The following DLGAP2 variants were observed in gnomAD, a reference collection of about 807,000 sequenced individuals.
DLGAP2 encodes disks large-associated protein 2.
DLGAP2 carries 26 observed loss-of-function variants against 100.3 expected under a neutral mutation model. That is an observed-to-expected ratio of 0.26 (90% confidence interval 0.19 to 0.36). The LOEUF (loss-of-function observed/expected upper bound fraction) is 0.36, where lower values mean the gene tolerates loss of function less well. Ranked by LOEUF, DLGAP2 falls within the 10% of genes least tolerant of loss-of-function variation. DLGAP2 has a pLI of 1.00. For synonymous variants in DLGAP2, 886 were observed against 630.1 expected, an observed-to-expected ratio of 1.41 and a Z score of -6.08; for missense variants, 1,858 against 1,453.2, an observed-to-expected ratio of 1.28 and a Z score of -4.53.
At chr8:803,799 A>G (rs1392868943) in intron 1 of DLGAP2, among the ~76,000 whole-genome samples, 2 of 152,238 alleles carry the variant, frequency 1.3e-5, no homozygotes, top group African/African-American at 2.4e-5. Flanking sequence ...TGCTAAAATC[A>G]TGAGCATAAT....
chr8:1,051,722 C>T (rs1011471367), intron 2 of DLGAP2, among the ~76,000 whole-genome samples: 1 of 152,008 alleles, frequency 6.6e-6, no homozygotes, highest in African/African-American at 2.4e-5. Flanking sequence ...ATGCAGATCC[C>T]GCCACGCTCA....
intron 1 of DLGAP2, among the ~76,000 whole-genome samples, chr8:748,252 G>T (rs1325743321): frequency 2.0e-5 from 3 of 150,966 alleles, no homozygotes; most frequent in African/African-American, 4.9e-5. Context: ...GTCTGCGGTG[G>T]GATGGGGCCG....
chr8:794,337 A>T (rs1416407133), intron 1 of DLGAP2, among the ~76,000 whole-genome samples: 1 of 152,162 alleles, frequency 6.6e-6, no homozygotes, highest in Non-Finnish European at 1.5e-5. Context: ...ACACACACAG[A>T]AATATAGAGG....
intron 3 of DLGAP2, among the ~76,000 whole-genome samples, chr8:1,314,741 G>C (rs994850540): frequency 6.6e-6 from 1 of 152,176 alleles, no homozygotes; most frequent in Non-Finnish European, 1.5e-5. Context: ...GGACTTTCGG[G>C]GGTCTCCCTA....
At chr8:974,565 G>T (rs555968572) in intron 2 of DLGAP2, among the ~76,000 whole-genome samples, 4 of 152,266 alleles carry the variant, frequency 2.6e-5, no homozygotes, top group South Asian at 4.1e-4. Context: ...GACCATAGTG[G>T]AATTAAACTA....
chr8:791,765 A>T (rs56293609), intron 1 of DLGAP2, among the ~76,000 whole-genome samples: 31,811 of 152,164 alleles, frequency 0.21, 4,284 homozygotes, highest in Non-Finnish European at 0.3. Context: ...CACAGCAGAG[A>T]GAACCCGTTA....
At position 1,050,891 on chromosome 8, in the gene DLGAP2, A is replaced by G. The variant is rs547640752; in HGVS notation, c.73+142925A>G. Among the ~76,000 whole-genome samples, 65 of 150,366 alleles carry G rather than the reference A, an allele frequency of 4.3e-4. 2 individuals are homozygous for G. The South Asian group carries it at 0.013, about 31-fold the overall frequency. ...AGTGTGTGATGAGCTTGTGTGACCT[A>G]TGGGCCTTAGATCGAGAGAGGCTGT... On this transcript the variant is annotated intron_variant, in intron 2 of 14. Transcript: ENST00000637795.
intron 3 of DLGAP2, among the ~76,000 whole-genome samples, chr8:1,417,315 C>G: frequency 6.6e-6 from 1 of 151,792 alleles, no homozygotes; most frequent in East Asian, 1.9e-4. Flanking sequence ...TGCGGGGTGC[C>G]CAGGTTCGAC....
At chr8:946,996 C>T (rs553644557) in intron 2 of DLGAP2, among the ~76,000 whole-genome samples, 7 of 152,316 alleles carry the variant, frequency 4.6e-5, no homozygotes, top group African/African-American at 1.7e-4. Flanking sequence ...ACCTGCTGGA[C>T]ACCGGTGGCT....
At chr8:858,433 G>T (rs1450481940) in intron 1 of DLGAP2, among the ~76,000 whole-genome samples, 2 of 152,286 alleles carry the variant, frequency 1.3e-5, no homozygotes, top group African/African-American at 4.8e-5. Context: ...GGGAGGGAGG[G>T]GTGAATGGGC....
At chr8:879,139 A>G (rs988749964) in intron 1 of DLGAP2, among the ~76,000 whole-genome samples, 23 of 152,204 alleles carry the variant, frequency 1.5e-4, no homozygotes, top group Non-Finnish European at 7.3e-5. Flanking sequence ...CTTACCTAGG[A>G]TCACAAAGGG....
rs972498184 is a variant in DLGAP2 at position 1,360,333 on chromosome 8, G to A, written c.106+101450G>A. On this transcript the variant is annotated intron_variant, in intron 3 of 14. Coordinates refer to ENST00000637795, the MANE Select transcript of DLGAP2 (RefSeq NM_001346810.2). ...CTCCGGGGCGGGGCTTCTCCAGGAC[G>A]GTGCTTTCAACAAATCACCAGCCCA... Among the ~76,000 whole-genome samples, 5 of 150,986 alleles carry A rather than the reference G, an allele frequency of 3.3e-5. No homozygotes were observed. The East Asian group carries it at 7.9e-4, about 24-fold the overall frequency.
At chr8:1,008,033 A>G (rs1261486091) in intron 2 of DLGAP2, among the ~76,000 whole-genome samples, 1 of 152,148 alleles carries the variant, frequency 6.6e-6, no homozygotes, top group African/African-American at 2.4e-5. Context: ...CCTTCAAGTT[A>G]TTAGTTGAAA....
At chr8:1,256,762 G>T (rs753083366) in intron 2 of DLGAP2, among the ~76,000 whole-genome samples, 52 of 152,154 alleles carry the variant, frequency 3.4e-4, no homozygotes, top group Admixed American at 1.0e-3. Context: ...TGAAGGGGTG[G>T]TGCCTGCGTT....
At chr8:976,825 A>G (rs550898024) in intron 2 of DLGAP2, among the ~76,000 whole-genome samples, 1 of 152,212 alleles carries the variant, frequency 6.6e-6, no homozygotes, top group Non-Finnish European at 1.5e-5. Flanking sequence ...AAAATGCAAA[A>G]CTGTAAAACT....
At chr8:1,184,225 G>C (rs1167757867) in intron 2 of DLGAP2, among the ~76,000 whole-genome samples, 1 of 152,210 alleles carries the variant, frequency 6.6e-6, no homozygotes, top group Non-Finnish European at 1.5e-5. Context: ...TAAAATTTAA[G>C]TTGCACTAAA....
chr8:1,432,993 C>T (rs1797497002), intron 3 of DLGAP2, among the ~76,000 whole-genome samples: 1 of 152,144 alleles, frequency 6.6e-6, no homozygotes, highest in Non-Finnish European at 1.5e-5. Flanking sequence ...TCACAGGCGG[C>T]TGGACCTCCA....
intron 2 of DLGAP2, among the ~76,000 whole-genome samples, chr8:995,902 G>C (rs761908578): frequency 2.6e-5 from 4 of 152,124 alleles, no homozygotes; most frequent in African/African-American, 4.8e-5. Flanking sequence ...GGAAGCAGGA[G>C]ACTAAAGAAA....
chr8:1,305,676 A>G (rs945743605), intron 3 of DLGAP2, among the ~76,000 whole-genome samples: 7 of 152,206 alleles, frequency 4.6e-5, no homozygotes, highest in Admixed American at 1.3e-4. Flanking sequence ...GCAGGCCTCC[A>G]TCAACCTGCT....
Sources: gnomAD v4.1 joint callset for allele counts (sites outside exome capture counted in the v4.1 genomes callset) on GRCh38, gnomAD v4.1.1 for gene constraint, MANE v1.5 for transcripts, NCBI Gene and HGNC (gene_info 2026-07-23, HGNC 2026-07-21) for gene names.